The following PSD2 variants were observed in gnomAD, a reference collection of about 807,000 sequenced individuals.
The protein encoded by PSD2 is PH and SEC7 domain-containing protein 2.
A neutral mutation model predicts 69.8 loss-of-function variants in PSD2; 38 were observed. The ratio of observed to expected loss-of-function variants is 0.54; its 90% CI spans 0.42 to 0.71. The LOEUF is 0.71. PSD2 is among the 30% of genes least tolerant of loss of function. The pLI is 0.00. For synonymous variants in PSD2, 412 were observed against 423.0 expected (o/e 0.97, Z 0.32); for missense variants, 943 against 1,014.5 (o/e 0.93, Z 0.96).
At chr5:139,801,216 A>G (rs1445296439) in intron 1 of PSD2, among the ~76,000 whole-genome samples, 1 of 151,920 alleles carries the variant, frequency 6.6e-6, no homozygotes, top group South Asian at 2.1e-4. Flanking sequence ...AAAAAAAAAA[A>G]AAAGATCTCT....
At chr5:139,777,264 T>C in the PSD2 span, among the ~76,000 whole-genome samples, 1 of 152,210 alleles carries the variant, frequency 6.6e-6, no homozygotes, top group East Asian at 1.9e-4. Context: ...AAATATGTGT[T>C]TGTTATAGGG....
intron 5 of PSD2, among the ~76,000 whole-genome samples, chr5:139,819,214 G>C (rs547199497): frequency 7.9e-5 from 12 of 152,326 alleles, no homozygotes; most frequent in Admixed American, 2.0e-4. Context: ...AAGGTTTGTG[G>C]GGATGCAGTG....
chr5:139,828,795 G>A (rs1427821289), intron 7 of PSD2, among the ~76,000 whole-genome samples: 2 of 152,182 alleles, frequency 1.3e-5, no homozygotes, highest in Non-Finnish European at 2.9e-5. Context: ...GTTTTACTAT[G>A]TGGATGATGG....
the PSD2 span, among the ~76,000 whole-genome samples, chr5:139,775,731 C>T: frequency 6.6e-5 from 10 of 152,148 alleles, no homozygotes; most frequent in African/African-American, 2.2e-4. Flanking sequence ...TGCAATGGCA[C>T]GATCTCAGCT....
At chr5:139,835,278 C>G (rs549928420) in intron 8 of PSD2, among the ~76,000 whole-genome samples, 1 of 152,118 alleles carries the variant, frequency 6.6e-6, no homozygotes, top group South Asian at 2.1e-4. Flanking sequence ...CACCCATCTT[C>G]TATTCATTCA....
intron 7 of PSD2, among the ~76,000 whole-genome samples, chr5:139,826,848 C>A (rs114968897): frequency 1.3e-5 from 2 of 152,126 alleles, no homozygotes. Flanking sequence ...TACATGGGCC[C>A]GATAGATGCA....
the PSD2 span, among the ~76,000 whole-genome samples, chr5:139,756,771 C>G: frequency 6.6e-6 from 1 of 152,134 alleles, no homozygotes; most frequent in Non-Finnish European, 1.5e-5. Flanking sequence ...CTTTATCTGG[C>G]GATGTCCTCT....
the PSD2 span, among the ~76,000 whole-genome samples, chr5:139,769,694 C>A: frequency 6.6e-6 from 1 of 152,204 alleles, no homozygotes; most frequent in Non-Finnish European, 1.5e-5. Context: ...ACCTTCACCT[C>A]CTACCTGGCC....
the PSD2 span, among the ~76,000 whole-genome samples, chr5:139,774,121 G>C: frequency 1.3e-5 from 2 of 151,054 alleles, no homozygotes; most frequent in East Asian, 3.9e-4. Flanking sequence ...CGCAGCACTC[G>C]GTCTCGTTTT....
chr5:139,840,552 AT>A (rs200975712), intron 14 of PSD2, among the ~76,000 whole-genome samples: 8,611 of 140,800 alleles, frequency 0.061, 511 homozygotes, highest in African/African-American at 0.18. Context: ...TCTCATTACT[AT>A]TTTTTTTTTT....
At position 139,838,778 on chromosome 5, in the gene PSD2, T is replaced by C. The variant is rs1168470157; in HGVS notation, c.1968+6T>C. The C allele has an allele frequency of 6.2e-7, 1 of 1,607,912 alleles. No individual in the cohort carries two copies. Among genetic ancestry groups the C allele is most frequent in the African/African-American group, 1.3e-5 (1 of 74,774 alleles). On this transcript the variant is annotated splice_donor_region_variant and intron_variant, in intron 13 of 14. Coordinates refer to ENST00000274710, the MANE Select transcript of PSD2 (RefSeq NM_032289.4). ...GCACCACCCGCCTCTGCCAGGTACA[T>C]GTTCCTGGGTCAACATTTTGCCTCC...
chr5:139,775,388 T>C, the PSD2 span: 1 of 152,200 alleles, frequency 6.6e-6, no homozygotes, highest in African/African-American at 2.4e-5. Flanking sequence ...GGGGCGCCCA[T>C]CTGCGGCACT....
upstream of PSD2, among the ~76,000 whole-genome samples, chr5:139,793,012 A>G (rs1003932414): frequency 2.7e-5 from 4 of 150,586 alleles, no homozygotes; most frequent in Non-Finnish European, 4.4e-5. Flanking sequence ...TAGTGGCACG[A>G]TCTTGGCTCA....
the PSD2 span, among the ~76,000 whole-genome samples, chr5:139,745,527 G>A: frequency 5.9e-5 from 9 of 152,248 alleles, no homozygotes; most frequent in Non-Finnish European, 1.0e-4. Flanking sequence ...TGGGTGGGCG[G>A]GGCCGACGCA....
chr5:139,774,477 G>A, the PSD2 span, among the ~76,000 whole-genome samples: 4 of 152,190 alleles, frequency 2.6e-5, no homozygotes, highest in Admixed American at 6.5e-5. Flanking sequence ...GTGGGCCCTG[G>A]AAAGGCTTTC....
At position 139,817,535 on chromosome 5, in the gene PSD2, G is replaced by T; in HGVS notation, c.1071G>T (p.Ser357=). 2 of 1,614,160 alleles carry T rather than the reference G, an allele frequency of 1.2e-6. No homozygotes were observed. Among genetic ancestry groups the T allele is most frequent in the Non-Finnish European group, 1.7e-6 (2 of 1,180,022 alleles). Residue 357 remains serine (S), a synonymous_variant, in exon 5 of 15, where the codon TCG becomes TCT. Coordinates refer to ENST00000274710, the MANE Select transcript of PSD2 (RefSeq NM_032289.4). ...AGTACCTCAGTTTCTTCGACTTCTCGGGCTTGACTCTGGACGGAGCACTCA... is the reference window on the plus strand; with the variant it reads ...AGTACCTCAGTTTCTTCGACTTCTCTGGCTTGACTCTGGACGGAGCACTCA... The part of the protein sequence containing the change: ...AGEYLSFFDF[S]GLTLDGALRT...
In PSD2 at chr5:139,814,333, C is replaced by T. The variant is rs370549557; in HGVS notation, c.985C>T (p.Arg329Cys). The change falls in exon 4 of 15, where the codon CGC (arginine) becomes TGC (cysteine). Residue 329 changes from arginine to cysteine, a missense_variant. Physicochemically the swap from Arg to Cys is radical, Grantham distance 180. This residue lies in a region of PSD2 where 466 missense variants were observed against 445.0 expected (regional missense o/e 1.05). Coordinates refer to ENST00000274710, the MANE Select transcript of PSD2 (RefSeq NM_032289.4). This position sits in a 1 kb window ranked among gnomAD's most constrained non-coding sequence, Gnocchi z 4.4. ...TCTCTACCACCTCGAGGGCTTCCAG[C>T]GCTGTGATGTGGCCCGGCAGCTGGG... ...RRLYHLEGFQRCDVARQLGKN... is the reference protein window; with the variant it reads ...RRLYHLEGFQCCDVARQLGKN... 9 of 1,607,974 alleles carry T rather than the reference C, an allele frequency of 5.6e-6. No homozygotes were observed. Among genetic ancestry groups the T allele is most frequent in the East Asian group, 2.2e-5 (1 of 44,552 alleles).
At chr5:139,789,896 A>G in the PSD2 span, among the ~76,000 whole-genome samples, 1 of 152,052 alleles carries the variant, frequency 6.6e-6, no homozygotes, top group Non-Finnish European at 1.5e-5. Context: ...TAGAGTGGTC[A>G]GAAAAGGTGA....
chr5:139,838,838 G>C, intron 13 of PSD2, 66 bp downstream of exon 13: 1 of 1,540,200 alleles, frequency 6.5e-7, no homozygotes, highest in Non-Finnish European at 8.9e-7. Flanking sequence ...CCCCCATCCA[G>C]CAGCCCCACC....
Sources: allele counts gnomAD v4.1 joint callset (sites outside exome capture counted in the v4.1 genomes callset), GRCh38; gene constraint gnomAD v4.1.1; regional missense constraint gnomAD v4.1.1; non-coding constraint Gnocchi (gnomAD v3.1); transcripts MANE v1.5; gene names NCBI Gene and HGNC (gene_info 2026-07-23, HGNC 2026-07-21).